The following COL13A1 variants were observed in gnomAD, a reference collection of about 807,000 sequenced individuals.
The protein encoded by COL13A1 is collagen alpha-1(XIII) chain.
Under a neutral mutation model 130.9 loss-of-function variants are expected in COL13A1, and 89 were observed. The ratio of observed to expected loss-of-function variants is 0.68; its 90% CI spans 0.57 to 0.81. The LOEUF (loss-of-function observed/expected upper bound fraction) is 0.81. Ranked by LOEUF, COL13A1 falls within the 30% of genes least tolerant of loss-of-function variation. The pLI is 0.00. For synonymous variants in COL13A1, 402 were observed against 341.6 expected (o/e 1.18, Z -1.95); for missense variants, 879 against 934.6 (o/e 0.94, Z 0.78).
intron 2 of COL13A1, among the ~76,000 whole-genome samples, chr10:69,849,393 C>T (rs1589429525): frequency 1.3e-5 from 2 of 152,232 alleles, no homozygotes; most frequent in Admixed American, 1.3e-4. Context: ...CTTCCCACTG[C>T]CCTATCATGG....
At chr10:69,880,680 G>C in intron 7 of COL13A1, 127 bp downstream of exon 7, 1 of 963,894 alleles carries the variant, frequency 1.0e-6, no homozygotes, top group Non-Finnish European at 1.6e-6. Flanking sequence ...CACCGCATGT[G>C]ATGTGGTCAG....
chr10:69,957,894 T>C (rs2071094081), intron 40 of COL13A1, among the ~76,000 whole-genome samples: 1 of 152,092 alleles, frequency 6.6e-6, no homozygotes, highest in Non-Finnish European at 1.5e-5. Context: ...GACCGGAGAC[T>C]CCAACATGTT....
At chr10:69,873,806 A>T (rs951368443) in intron 4 of COL13A1, among the ~76,000 whole-genome samples, 1 of 152,188 alleles carries the variant, frequency 6.6e-6, no homozygotes, top group Admixed American at 6.5e-5. Context: ...ACACTCAAAA[A>T]GACTGTGGAT....
chr10:69,822,880 T>A (rs10509315), intron 2 of COL13A1, among the ~76,000 whole-genome samples: 9,259 of 152,306 alleles, frequency 0.061, 386 homozygotes, highest in East Asian at 0.097. Flanking sequence ...AAGACCTTAT[T>A]TTCTATAGCT....
rs113810437 is a variant in COL13A1 at position 69,940,959 on chromosome 10, C to G, written c.1879-29C>G. 1,269 of 1,613,922 alleles carry G rather than the reference C, an allele frequency of 7.9e-4. 6 individuals carry two copies. In the African/African-American group the frequency reaches 0.014, roughly 18 times the overall value. Reference sequence around the variant, plus strand: ...TCCCTCCCAATCCTCTCTTCCCCTTCTTTTGGTCAAACTGTGCCCTTCGTC... The same window carrying G: ...TCCCTCCCAATCCTCTCTTCCCCTTGTTTTGGTCAAACTGTGCCCTTCGTC... On this transcript the variant is annotated intron_variant, in intron 34 of 40. Coordinates refer to ENST00000645393, the MANE Select transcript of COL13A1 (RefSeq NM_001368882.1).
intron 2 of COL13A1, among the ~76,000 whole-genome samples, chr10:69,850,808 C>G: frequency 6.6e-6 from 1 of 152,242 alleles, no homozygotes; most frequent in East Asian, 1.9e-4. Flanking sequence ...CCTCAGCCCA[C>G]CCAGGTAGTT....
At chr10:69,818,981 C>G (rs1055426088) in intron 1 of COL13A1, among the ~76,000 whole-genome samples, 1 of 152,222 alleles carries the variant, frequency 6.6e-6, no homozygotes, top group African/African-American at 2.4e-5. Flanking sequence ...AACACCCAGG[C>G]CCTCTGAAGT....
At chr10:69,802,745 T>C in intron 1 of COL13A1, 28 bp downstream of exon 1, 1 of 1,606,626 alleles carries the variant, frequency 6.2e-7, no homozygotes, top group Non-Finnish European at 8.5e-7. Flanking sequence ...CTGGCTTTTA[T>C]CCCTCCCCGC....
intron 9 of COL13A1, among the ~76,000 whole-genome samples, chr10:69,888,747 C>A (rs1394662050): frequency 6.6e-6 from 1 of 152,146 alleles, no homozygotes; most frequent in Non-Finnish European, 1.5e-5. Flanking sequence ...GGGTCTCCCT[C>A]CCCGATTGAG....
At chr10:69,956,166 G>A (rs77188634) in intron 39 of COL13A1, 3,923 of 152,314 alleles carry the variant, frequency 0.026, 101 homozygotes, top group South Asian at 0.11. Flanking sequence ...GCCCAGCCTC[G>A]CCTTCCCCAC....
chr10:69,819,648 C>T (rs1354687949), intron 1 of COL13A1, among the ~76,000 whole-genome samples: 3 of 152,142 alleles, frequency 2.0e-5, no homozygotes, highest in Non-Finnish European at 4.4e-5. Flanking sequence ...GAGCAGCTCC[C>T]AGAAAGAGGC....
At position 69,806,985 on chromosome 10, in the gene COL13A1, C is replaced by T. The variant is rs372521341; in HGVS notation, c.294+4268C>T. Among the ~76,000 whole-genome samples the T allele has an allele frequency of 1.3e-4, 20 of 152,128 alleles. 1 individual carries two copies. The South Asian group carries it at 2.9e-3, about 22-fold the overall frequency. ...TCGAGCCATTGCACTCCAGCCTGGG[C>T]GACAGAGCAAGACTCCGTCTCAAAA... On this transcript the variant is annotated intron_variant, in intron 1 of 40. Transcript: ENST00000645393.
chr10:69,896,051 T>C (rs902088655), intron 13 of COL13A1, among the ~76,000 whole-genome samples: 1 of 152,206 alleles, frequency 6.6e-6, no homozygotes, highest in Admixed American at 6.5e-5. Flanking sequence ...TTAGTCACTG[T>C]ATCAGATGAT....
At chr10:69,943,842 C>T (rs913664320) in intron 35 of COL13A1, among the ~76,000 whole-genome samples, 32 of 152,378 alleles carry the variant, frequency 2.1e-4, no homozygotes, top group African/African-American at 7.7e-4. Flanking sequence ...CAAAACTAAG[C>T]AACCATTCTC....
At chr10:69,937,501 G>C (rs2067092225) in intron 33 of COL13A1, 134 bp from the exon 34 acceptor site, 1 of 604,328 alleles carries the variant, frequency 1.7e-6, no homozygotes, top group Non-Finnish European at 3.0e-6. Context: ...AGGGATTCTT[G>C]GTATCCTCAG....
intron 2 of COL13A1, among the ~76,000 whole-genome samples, chr10:69,854,012 T>G (rs560905189): frequency 6.6e-6 from 1 of 152,348 alleles, no homozygotes; most frequent in African/African-American, 2.4e-5. Flanking sequence ...AAAAAAAATT[T>G]TAAAGCAAAG....
chr10:69,871,638 T>A (rs2059082180), intron 3 of COL13A1, among the ~76,000 whole-genome samples: 3 of 152,160 alleles, frequency 2.0e-5, no homozygotes, highest in Admixed American at 2.0e-4. Context: ...CCCCAAGACC[T>A]ACTCCTGGTT....
intron 1 of COL13A1, among the ~76,000 whole-genome samples, chr10:69,805,461 C>T (rs771332807): frequency 6.6e-6 from 1 of 152,108 alleles, no homozygotes; most frequent in Non-Finnish European, 1.5e-5. Context: ...TGGAGGGACA[C>T]CCTAGGGTTG....
At chr10:69,880,579 G>T (rs767027449) in intron 7 of COL13A1, 26 bp downstream of exon 7, 1 of 1,611,542 alleles carries the variant, frequency 6.2e-7, no homozygotes, top group South Asian at 1.1e-5. Context: ...TCTTCCTCGG[G>T]GTGTTGGGGG....
Sources: allele counts gnomAD v4.1 joint callset (sites outside exome capture counted in the v4.1 genomes callset), GRCh38; gene constraint gnomAD v4.1.1; transcripts MANE v1.5; gene names NCBI Gene and HGNC (gene_info 2026-07-23, HGNC 2026-07-21).